The following ABLIM2 variants were observed in gnomAD, a reference collection of about 807,000 sequenced individuals.
ABLIM2 encodes the protein actin binding LIM protein family member 2, also known as actin-binding LIM protein 2.
A neutral mutation model predicts 97.7 loss-of-function variants in ABLIM2; 53 were observed. The observed-to-expected ratio is 0.54, with a 90% CI of 0.44 to 0.68. The LOEUF is 0.68. Ranked by LOEUF, ABLIM2 falls within the 30% of genes least tolerant of loss-of-function variation. ABLIM2 has a pLI of 0.00. For synonymous variants in ABLIM2, 361 were observed against 345.8 expected (o/e 1.04, Z -0.49); for missense variants, 835 against 867.2 (o/e 0.96, Z 0.47).
chr4:8,084,780 C>T (rs759589792), intron 4 of ABLIM2, among the ~76,000 whole-genome samples: 5 of 152,228 alleles, frequency 3.3e-5, no homozygotes, highest in African/African-American at 1.2e-4. Flanking sequence ...CTGCCGCCCA[C>T]GCCCCTGCTG....
chr4:7,987,661 C>A (rs1206627471), intron 17 of ABLIM2, among the ~76,000 whole-genome samples: 11 of 152,216 alleles, frequency 7.2e-5, no homozygotes, highest in Admixed American at 7.2e-4. Flanking sequence ...CACTCTCCAG[C>A]AGCAAAACCA....
At chr4:8,065,311 A>C (rs1806302767) in intron 6 of ABLIM2, among the ~76,000 whole-genome samples, 1 of 152,216 alleles carries the variant, frequency 6.6e-6, no homozygotes, top group Non-Finnish European at 1.5e-5. Context: ...TTCAATGAAA[A>C]TATACAAATG....
intron 17 of ABLIM2, among the ~76,000 whole-genome samples, chr4:7,987,362 A>G (rs1008327514): frequency 2.6e-5 from 4 of 152,086 alleles, no homozygotes; most frequent in African/African-American, 9.7e-5. Flanking sequence ...GCTTCAAGCA[A>G]TCCTCTCACC....
chr4:7,983,507 G>C (rs1249075441), intron 19 of ABLIM2, 40 bp downstream of exon 19: 1 of 1,612,098 alleles, frequency 6.2e-7, no homozygotes, highest in Admixed American at 1.7e-5. Flanking sequence ...GGGCAGGTGT[G>C]GCGCGGCACG....
chr4:8,127,201 G>A lies in ABLIM2; in HGVS notation c.11-20564C>T, dbSNP rs1161143791. ...GGAGGGAGGGAGGCCCAGACGCTGT[G>A]GTCAGTGGGTGCTGGAGTCCAGACG... On this transcript the variant is annotated intron_variant, in intron 1 of 20. Transcript: ENST00000447017. This position sits in a 1 kb window ranked among gnomAD's most constrained non-coding sequence, Gnocchi z 7.3. Among the ~76,000 whole-genome samples, 2 of 152,154 alleles carry A rather than the reference G, an allele frequency of 1.3e-5. No individual in the cohort carries two copies. Among genetic ancestry groups the A allele is most frequent in the Non-Finnish European group, 2.9e-5 (2 of 68,026 alleles).
In ABLIM2 at chr4:7,996,477, G is replaced by A. The variant is rs902956301; in HGVS notation, c.1619-3550C>T. On this transcript the variant is annotated intron_variant, in intron 16 of 20. Coordinates refer to ENST00000447017, the MANE Select transcript of ABLIM2 (RefSeq NM_001130083.2). The surrounding 1 kb of genome is among the most constrained non-coding windows in gnomAD (Gnocchi z 4.5). The stretch of plus-strand genomic sequence containing the variant: ...ATGCAGGTGGAAACCTTGCTTCCGC[G>A]AAGGCCATTTTATCCTCCCCACTTT... 1.3e-5 allele frequency among the ~76,000 whole-genome samples: 2 copies of A among 152,172 alleles called. No homozygotes were observed. Among genetic ancestry groups the A allele is most frequent in the African/African-American group, 2.4e-5 (1 of 41,448 alleles).
chr4:7,969,787 G>A (rs1383000256), intron 20 of ABLIM2, among the ~76,000 whole-genome samples: 1 of 126,588 alleles, frequency 7.9e-6, no homozygotes, highest in Non-Finnish European at 1.7e-5. Context: ...CAGCAAGTCT[G>A]CCAGGAAGAG....
At position 7,984,889 on chromosome 4, in the gene ABLIM2, G is replaced by A. The variant is rs754059501; in HGVS notation, c.1685C>T (p.Ala562Val). The A allele has an allele frequency of 4.4e-6, 7 of 1,609,026 alleles. No individual in the cohort carries two copies. In the East Asian group the frequency reaches 1.3e-4, roughly 31 times the overall value. The change falls in exon 18 of 21, where the codon GCC becomes GTC. Residue 562 changes from alanine (A) to valine (V), a missense_variant. Coordinates refer to ENST00000447017, the MANE Select transcript of ABLIM2 (RefSeq NM_001130083.2). Reference protein sequence around the residue: ...HGKNGLDQRNANLAPCGADPD... With the variant: ...HGKNGLDQRNVNLAPCGADPD... ...GTCTGCTCCACAGGGGGCCAGATTG[G>A]CATTCTGGAAGAGAAAGAGAGGTTG...
At position 8,036,118 on chromosome 4, in the gene ABLIM2, G is replaced by T. The variant is rs541626187; in HGVS notation, c.1047+31C>A. On this transcript the variant is annotated intron_variant, in intron 10 of 20. Transcript: ENST00000447017. ...TGCAGGGCAGCACTTGGGGACACAG[G>T]TGTCCAGGGCCATGTGGGCAGGGTC... The T allele has an allele frequency of 1.7e-5, 28 of 1,610,506 alleles. No individual in the cohort carries two copies. The South Asian group carries it at 2.8e-4, about 16-fold the overall frequency.
intron 20 of ABLIM2, among the ~76,000 whole-genome samples, chr4:7,974,700 CCCACCCATGCATCTAT>C (rs1411889421): frequency 5.3e-5 from 8 of 150,834 alleles, no homozygotes; most frequent in African/African-American, 1.7e-4. Context: ...CATCCATCCA[CCCACCCATGCATCTAT>C]CCACCCATCC....
chr4:8,126,225 G>C (rs1847844944), intron 1 of ABLIM2, among the ~76,000 whole-genome samples: 1 of 152,130 alleles, frequency 6.6e-6, no homozygotes, highest in African/African-American at 2.4e-5. Context: ...GCCAGAAGGA[G>C]GGCACCAGGG....
chr4:8,013,961 C>T (rs982810054), intron 14 of ABLIM2, among the ~76,000 whole-genome samples: 4 of 152,198 alleles, frequency 2.6e-5, no homozygotes, highest in South Asian at 4.1e-4. Flanking sequence ...ATCAACACAC[C>T]GACAGCTCTA....
At chr4:7,973,179 G>A (rs1313742816) in intron 20 of ABLIM2, among the ~76,000 whole-genome samples, 1 of 151,466 alleles carries the variant, frequency 6.6e-6, no homozygotes, top group Non-Finnish European at 1.5e-5. Context: ...AAGGCCCTGG[G>A]GCAGGAGGAG....
chr4:8,081,122 C>T (rs1819554037), intron 4 of ABLIM2, among the ~76,000 whole-genome samples: 1 of 152,082 alleles, frequency 6.6e-6, no homozygotes, highest in Non-Finnish European at 1.5e-5. Context: ...CCGAGACGTA[C>T]CAGGTTGAAC....
intron 1 of ABLIM2, among the ~76,000 whole-genome samples, chr4:8,131,400 C>T (rs1033072163): frequency 2.6e-5 from 4 of 152,234 alleles, no homozygotes; most frequent in Non-Finnish European, 5.9e-5. Context: ...GGGACTGGGT[C>T]GCCACCTGCA....
In ABLIM2 at chr4:8,158,769, A is replaced by T; in HGVS notation, c.-80T>A. The T allele has an allele frequency of 8.0e-7, 1 of 1,242,316 alleles. No individual in the cohort carries two copies. Among genetic ancestry groups the T allele is most frequent in the Middle Eastern group, 3.0e-4 (1 of 3,362 alleles). 77.0% of individuals were successfully genotyped at this position (1,242,316 alleles called of 1,614,324 possible). A position where few individuals can be genotyped will look rare whatever the true frequency, so the allele number is the denominator to read the frequency against. Reference sequence around the variant, plus strand: ...GGCCCGCAGGTGCCGCGCCCGCGCTATCCTCCGCCCGCCCGCCGGCTCCGC... The same window carrying T: ...GGCCCGCAGGTGCCGCGCCCGCGCTTTCCTCCGCCCGCCCGCCGGCTCCGC... On this transcript the variant is annotated 5_prime_UTR_variant, in exon 1 of 21. Coordinates refer to ENST00000447017, the MANE Select transcript of ABLIM2 (RefSeq NM_001130083.2).
At chr4:7,979,831 T>C (rs1736592704) in intron 20 of ABLIM2, among the ~76,000 whole-genome samples, 1 of 152,190 alleles carries the variant, frequency 6.6e-6, no homozygotes, top group Non-Finnish European at 1.5e-5. Flanking sequence ...TGGGTCAAAC[T>C]AGCTGATTAA....
At position 7,984,890 on chromosome 4, in the gene ABLIM2, C is replaced by T; in HGVS notation, c.1684G>A (p.Ala562Thr). The change falls in exon 18 of 21, where the codon GCC becomes ACC. Residue 562 changes from alanine to threonine, a missense_variant. Ala to Thr is a moderately conservative substitution (Grantham distance 58). Coordinates refer to ENST00000447017, the MANE Select transcript of ABLIM2 (RefSeq NM_001130083.2). Reference protein sequence around the residue: ...HGKNGLDQRNANLAPCGADPD... With the variant: ...HGKNGLDQRNTNLAPCGADPD... ...TCTGCTCCACAGGGGGCCAGATTGG[C>T]ATTCTGGAAGAGAAAGAGAGGTTGG... 6.2e-7 allele frequency: 1 copy of T among 1,608,960 alleles called. No homozygotes were observed. Among genetic ancestry groups the T allele is most frequent in the Non-Finnish European group, 8.5e-7 (1 of 1,178,018 alleles).
chr4:7,988,249 C>T (rs1424071048), intron 17 of ABLIM2, among the ~76,000 whole-genome samples: 1 of 152,202 alleles, frequency 6.6e-6, no homozygotes, highest in East Asian at 1.9e-4. Context: ...TCTCGAACTC[C>T]TGACCTCAAG....
Sources: gnomAD v4.1 joint callset for allele counts (sites outside exome capture counted in the v4.1 genomes callset) on GRCh38, gnomAD v4.1.1 for gene constraint, Gnocchi (gnomAD v3.1) non-coding constraint, MANE v1.5 for transcripts, NCBI Gene and HGNC (gene_info 2026-07-23, HGNC 2026-07-21) for gene names.